AHI1: variants seen among roughly 807,000 people sequenced by gnomAD.
AHI1 encodes the protein Abelson helper integration site 1.
In AHI1, 123 loss-of-function variants were observed where a neutral mutation model predicts 149.3. That is an observed-to-expected ratio of 0.82 (90% CI 0.71 to 0.96). The LOEUF is 0.96. AHI1 is among the 40% of genes least tolerant of loss of function. The pLI, the probability that AHI1 is intolerant of heterozygous loss-of-function variation, is 0.00. For missense variants in AHI1, 1,439 were observed against 1,422.7 expected, an observed-to-expected ratio of 1.01 and a Z score of -0.18; for synonymous variants, 475 against 459.8, an observed-to-expected ratio of 1.03 and a Z score of -0.42.
intron 24 of AHI1, among the ~76,000 whole-genome samples, chr6:135,329,265 TAG>T (rs1032797096): frequency 7.9e-5 from 12 of 152,296 alleles, no homozygotes; most frequent in African/African-American, 2.6e-4. Flanking sequence ...CTTTCATAGC[TAG>T]AGAGGAGAAG....
chr6:135,490,253 T>C (rs1795066489), intron 5 of AHI1: 1 of 720,342 alleles, frequency 1.4e-6, no homozygotes, highest in Middle Eastern at 2.3e-4. Flanking sequence ...ACAGAAATAG[T>C]TTAAATAAGC....
intron 14 of AHI1, among the ~76,000 whole-genome samples, chr6:135,440,516 A>G (rs1261101849): frequency 1.3e-5 from 2 of 152,168 alleles, no homozygotes; most frequent in African/African-American, 4.8e-5. Context: ...CACAACCAAG[A>G]AAGACCTGAC....
chr6:135,490,440 T>C, intron 5 of AHI1, 183 bp downstream of exon 5: 2 of 712,172 alleles, frequency 2.8e-6, no homozygotes, highest in Non-Finnish European at 4.7e-6. Flanking sequence ...AAGAATGAAG[T>C]CAATATTCTC....
chr6:135,441,834 G>A (rs1040061509), intron 14 of AHI1, among the ~76,000 whole-genome samples: 2 of 151,854 alleles, frequency 1.3e-5, no homozygotes, highest in Admixed American at 6.6e-5. Context: ...CTATTTCATG[G>A]GGAGCAATAT....
rs578210534 is a variant in AHI1 at position 135,380,734 on chromosome 6, C to A, written c.3109+14042G>T. Among the ~76,000 whole-genome samples the A allele has an allele frequency of 2.4e-4, 25 of 102,106 alleles. 1 individual carries two copies. The South Asian group carries it at 3.9e-3, about 16-fold the overall frequency. 67.0% of individuals were successfully genotyped at this position (102,106 alleles called of 152,430 possible). On this transcript the variant is annotated intron_variant, in intron 23 of 28. Transcript: ENST00000265602. ...AAACATCTTTTTAAGTAAAATAACC[C>A]CCCCCCCCCCAAAAAAAAAGTACAA... is the stretch of plus-strand genomic sequence containing the variant.
intron 24 of AHI1, among the ~76,000 whole-genome samples, chr6:135,334,538 G>T (rs1175092738): frequency 1.3e-5 from 2 of 152,124 alleles, no homozygotes; most frequent in African/African-American, 2.4e-5. Flanking sequence ...AAGACAATTG[G>T]TATGAATTAA....
intron 23 of AHI1, among the ~76,000 whole-genome samples, chr6:135,381,215 C>T (rs985117998): frequency 3.3e-5 from 5 of 151,996 alleles, no homozygotes; most frequent in Admixed American, 3.3e-4. Flanking sequence ...TGGACTCCCA[C>T]AAAAAACAAG....
chr6:135,420,912 C>G (rs1394674070), intron 20 of AHI1, among the ~76,000 whole-genome samples: 2 of 152,164 alleles, frequency 1.3e-5, no homozygotes, highest in Non-Finnish European at 2.9e-5. Context: ...CCTCACTGAC[C>G]TCAATCACTT....
At chr6:135,453,228 C>A (rs1788404387) in intron 11 of AHI1, 113 bp downstream of exon 11, 1 of 829,736 alleles carries the variant, frequency 1.2e-6, no homozygotes, top group South Asian at 1.6e-5. Flanking sequence ...TTCATCCCTA[C>A]AACATTACCT....
chr6:135,363,453 T>C (rs1794244526), intron 23 of AHI1, among the ~76,000 whole-genome samples: 2 of 152,162 alleles, frequency 1.3e-5, no homozygotes, highest in Admixed American at 6.5e-5. Context: ...TACCTCTTTC[T>C]ACACAGACAC....
chr6:135,363,018 C>CT lies in AHI1; in HGVS notation c.3110-4832dup, dbSNP rs910206494. 1.5e-3 allele frequency among the ~76,000 whole-genome samples: 219 copies of CT among 149,984 alleles called. 1 individual carries two copies. The highest frequency in any genetic ancestry group is 1.9e-3 in the Non-Finnish European group (125 of 67,440). ...TCTTAGATTTAAGTCTTTCATCCATCTTTTTTTTAAATTTTATTTTATTTT... is the reference window on the plus strand; with the variant it reads ...TCTTAGATTTAAGTCTTTCATCCATCTTTTTTTTTAAATTTTATTTTATTTT... On this transcript the variant is annotated intron_variant, in intron 23 of 28. Coordinates refer to ENST00000265602, the MANE Select transcript of AHI1 (RefSeq NM_001134831.2).
At chr6:135,486,324 A>G (rs1004063125) in intron 5 of AHI1, among the ~76,000 whole-genome samples, 2 of 152,208 alleles carry the variant, frequency 1.3e-5, no homozygotes, top group Non-Finnish European at 2.9e-5. Context: ...AGAACCCCAC[A>G]GCATGCTCTA....
intron 22 of AHI1, among the ~76,000 whole-genome samples, chr6:135,398,501 T>C (rs1779574054): frequency 6.6e-6 from 1 of 152,208 alleles, no homozygotes; most frequent in African/African-American, 2.4e-5. Context: ...TTTTTGGTTA[T>C]ATTTAATCGT....
chr6:135,359,434 T>C (rs190246832), intron 23 of AHI1, among the ~76,000 whole-genome samples: 2 of 152,278 alleles, frequency 1.3e-5, no homozygotes, highest in Admixed American at 6.5e-5. Flanking sequence ...AATAAAATCT[T>C]TAAGGTAATT....
intron 27 of AHI1, among the ~76,000 whole-genome samples, chr6:135,291,130 A>T (rs1782306042): frequency 6.6e-6 from 1 of 152,218 alleles, no homozygotes; most frequent in Non-Finnish European, 1.5e-5. Context: ...GGAGAAAGAA[A>T]ACACAAAAAC....
At chr6:135,445,320 T>C (rs2128052332) in intron 13 of AHI1, among the ~76,000 whole-genome samples, 1 of 152,340 alleles carries the variant, frequency 6.6e-6, no homozygotes, top group Non-Finnish European at 1.5e-5. Flanking sequence ...CTTCATTCTT[T>C]ATAAAAACAA....
At position 135,374,802 on chromosome 6, in the gene AHI1, C is replaced by A. The variant is rs111850697; in HGVS notation, c.3110-16615G>T. Reference sequence around the variant, plus strand: ...CAGGTGGCCCTTGACTTATGAAGGTCTGACTTAACAATTTTTCAACTTTAC... The same window carrying A: ...CAGGTGGCCCTTGACTTATGAAGGTATGACTTAACAATTTTTCAACTTTAC... On this transcript the variant is annotated intron_variant, in intron 23 of 28. Transcript: ENST00000265602. Among the ~76,000 whole-genome samples the A allele has an allele frequency of 9.2e-3, 1,399 of 152,226 alleles. 18 individuals are homozygous for A. The highest frequency in any genetic ancestry group is 0.031 in the African/African-American group (1,304 of 41,508).
At chr6:135,307,608 T>C (rs796884979) in intron 26 of AHI1, among the ~76,000 whole-genome samples, 10 of 152,046 alleles carry the variant, frequency 6.6e-5, no homozygotes, top group African/African-American at 2.4e-4. Flanking sequence ...GTAAGCAAAA[T>C]TTCATTACAG....
chr6:135,408,985 T>A (rs1199576808), intron 21 of AHI1, among the ~76,000 whole-genome samples: 1 of 152,160 alleles, frequency 6.6e-6, no homozygotes, highest in Non-Finnish European at 1.5e-5. Flanking sequence ...TTTCCAATTT[T>A]ATGGGAAATA....
Sources: allele counts gnomAD v4.1 joint callset (sites outside exome capture counted in the v4.1 genomes callset), GRCh38; gene constraint gnomAD v4.1.1; transcripts MANE v1.5; gene names NCBI Gene and HGNC (gene_info 2026-07-23, HGNC 2026-07-21).